Variants in DDX19B observed in about 807,000 individuals in gnomAD.
DDX19B encodes DEAD-box helicase 19B.
Under a neutral mutation model 58.1 loss-of-function variants are expected in DDX19B, and 27 were observed. The ratio of observed to expected loss-of-function variants is 0.46; its 90% CI spans 0.34 to 0.64. The LOEUF (loss-of-function observed/expected upper bound fraction) is 0.64, where lower values mean the gene tolerates loss of function less well. Ranked by LOEUF, DDX19B falls within the 30% of genes least tolerant of loss-of-function variation. DDX19B has a pLI of 0.01. For synonymous variants in DDX19B, 187 were observed against 214.4 expected (o/e 0.87, Z 1.12); for missense variants, 399 against 596.5 (o/e 0.67, Z 3.45).
chr16:70,291,472 C>G (rs908560930), upstream of DDX19B, among the ~76,000 whole-genome samples: 2 of 152,136 alleles, frequency 1.3e-5, no homozygotes, highest in African/African-American at 4.8e-5. Flanking sequence ...AGAGTTGTTA[C>G]TAGGATAGTA....
At chr16:70,289,820 C>G, upstream of DDX19B, 1 of 419,828 alleles carries the variant, frequency 2.4e-6, no homozygotes. Flanking sequence ...AGTCCTAACA[C>G]CACAATTGAC....
chr16:70,318,134 A>C (rs1490512609), intron 5 of DDX19B, among the ~76,000 whole-genome samples: 7 of 148,208 alleles, frequency 4.7e-5, no homozygotes, highest in Non-Finnish European at 1.0e-4. Context: ...ACACTTTGGG[A>C]GGCCAAGGCA....
chr16:70,316,262 T>A, intron 4 of DDX19B, 158 bp downstream of exon 4: 1 of 1,046,902 alleles, frequency 9.6e-7, no homozygotes, highest in Non-Finnish European at 1.3e-6. Flanking sequence ...CAGGCTGGAG[T>A]GCAGTAGCGC....
upstream of DDX19B, chr16:70,294,844 C>T: frequency 6.6e-7 from 1 of 1,514,112 alleles, no homozygotes; most frequent in Non-Finnish European, 8.8e-7. Flanking sequence ...TGCTCAGCCG[C>T]GATGGCTGGG....
At chr16:70,295,210 C>A (rs75452597), upstream of DDX19B, 969 of 561,486 alleles carry the variant, frequency 1.7e-3, 15 homozygotes, top group African/African-American at 0.017. Flanking sequence ...CAGGTTCCTT[C>A]TTAGCCGGAG....
chr16:70,325,806 T>A, intron 7 of DDX19B, 118 bp downstream of exon 7: 1 of 799,644 alleles, frequency 1.3e-6, no homozygotes. Context: ...TCCAGCTAGA[T>A]TCAAAAACTT....
chr16:70,315,810 A>T, intron 3 of DDX19B, 159 bp from the exon 4 acceptor site: 1 of 1,060,230 alleles, frequency 9.4e-7, no homozygotes, highest in Non-Finnish European at 1.3e-6. Context: ...TTTTTTCTTT[A>T]ATAAAACTAT....
intron 10 of DDX19B, 120 bp downstream of exon 10, chr16:70,332,004 A>G: frequency 7.1e-7 from 1 of 1,416,762 alleles, no homozygotes; most frequent in Non-Finnish European, 9.4e-7. Context: ...GGGGTTGGTG[A>G]CACTATTCCT....
upstream of DDX19B, chr16:70,294,927 T>C: frequency 1.3e-6 from 2 of 1,517,976 alleles, no homozygotes; most frequent in Non-Finnish European, 1.8e-6. Flanking sequence ...CGTGAGTATC[T>C]GCGAGGGTAG....
At chr16:70,333,259 C>G (rs2152216773) in intron 11 of DDX19B, 100 bp downstream of exon 11, 5 of 690,678 alleles carry the variant, frequency 7.2e-6, no homozygotes, top group Non-Finnish European at 1.2e-5. Flanking sequence ...AGGCTCTGTC[C>G]CTAGCACACT....
chr16:70,323,540 C>T (rs2152207893), intron 5 of DDX19B, among the ~76,000 whole-genome samples: 1 of 152,114 alleles, frequency 6.6e-6, no homozygotes, highest in Admixed American at 6.5e-5. Context: ...TCTCCTGCCT[C>T]AGCCTCCCAA....
At chr16:70,329,809 C>G in intron 8 of DDX19B, 22 bp from the exon 9 acceptor site, 1 of 1,613,752 alleles carries the variant, frequency 6.2e-7, no homozygotes, top group Admixed American at 1.7e-5. Context: ...CTGGGGCCAC[C>G]TACCAGGGCC....
chr16:70,333,210 G>A (rs1392014890), intron 11 of DDX19B, 51 bp downstream of exon 11: 20 of 909,292 alleles, frequency 2.2e-5, no homozygotes, highest in Non-Finnish European at 3.3e-5. Context: ...AAGTAGGGCG[G>A]GGTGGTGAAA....
chr16:70,292,008 A>C (rs1961070783), upstream of DDX19B, among the ~76,000 whole-genome samples: 1 of 149,266 alleles, frequency 6.7e-6, no homozygotes, highest in Admixed American at 6.7e-5. Flanking sequence ...TTAATTAGCT[A>C]GGCGTGGTGG....
At chr16:70,333,472 A>C (rs773635021) in intron 11 of DDX19B, 49 bp from the exon 12 acceptor site, 1 of 1,613,468 alleles carries the variant, frequency 6.2e-7, no homozygotes, top group Non-Finnish European at 8.5e-7. Context: ...GTGGCCCAAG[A>C]TGGGGCACAT....
At chr16:70,317,050 C>CA (rs1315776588) in intron 4 of DDX19B, among the ~76,000 whole-genome samples, 2 of 151,378 alleles carry the variant, frequency 1.3e-5, no homozygotes, top group Non-Finnish European at 2.9e-5. Context: ...ACTAAAAATA[C>CA]AAAAAAAATT....
chr16:70,318,244 T>C (rs1962548220), intron 5 of DDX19B, among the ~76,000 whole-genome samples: 1 of 151,556 alleles, frequency 6.6e-6, no homozygotes, highest in South Asian at 2.1e-4. Flanking sequence ...TGTCATGGTG[T>C]GCTCCTGTAG....
upstream of DDX19B, among the ~76,000 whole-genome samples, chr16:70,292,123 G>C (rs1380066470): frequency 6.6e-6 from 1 of 152,160 alleles, no homozygotes; most frequent in Non-Finnish European, 1.5e-5. Context: ...CTGCACTCCA[G>C]CCTGGGCAAC....
At chr16:70,295,763 G>A (rs180927660), upstream of DDX19B, among the ~76,000 whole-genome samples, 29 of 152,194 alleles carry the variant, frequency 1.9e-4, no homozygotes, top group East Asian at 4.1e-3. Context: ...TACTTGGGAA[G>A]CAGAGGCAGG....
Sources: gnomAD v4.1 joint callset for allele counts (sites outside exome capture counted in the v4.1 genomes callset) on GRCh38, gnomAD v4.1.1 for gene constraint, MANE v1.5 for transcripts, NCBI Gene and HGNC (gene_info 2026-07-23, HGNC 2026-07-21) for gene names.